SLC13A4: variants seen among roughly 807,000 people sequenced by gnomAD.
The protein encoded by SLC13A4 is Na(+)/sulfate cotransporter SUT-1.
In SLC13A4, 28 loss-of-function variants were observed where a neutral mutation model predicts 72.7. The observed-to-expected ratio is 0.39, with a 90% CI of 0.29 to 0.53. SLC13A4 has a LOEUF of 0.53. Ranked by LOEUF, SLC13A4 falls within the 20% of genes least tolerant of loss-of-function variation. The pLI, the probability that SLC13A4 is intolerant of heterozygous loss-of-function variation, is 0.78. For synonymous variants in SLC13A4, 312 were observed against 325.5 expected, an observed-to-expected ratio of 0.96 and a Z score of 0.45; for missense variants, 653 against 788.0, an observed-to-expected ratio of 0.83 and a Z score of 2.05.
At chr7:135,702,248 T>C (rs1429121821) in intron 6 of SLC13A4, 1 of 156,250 alleles carries the variant, frequency 6.4e-6, no homozygotes, top group African/African-American at 2.4e-5. Flanking sequence ...TGAAGTCCAA[T>C]GTTTAATTGG....
chr7:135,706,378 C>T, intron 3 of SLC13A4, 78 bp from the exon 4 acceptor site: 2 of 1,454,134 alleles, frequency 1.4e-6, no homozygotes, highest in East Asian at 2.3e-5. Context: ...CTCCTACCAA[C>T]CTGCTGGGGC....
At chr7:135,715,261 GGGCATGTGTA>G (rs1796396883) in intron 2 of SLC13A4, among the ~76,000 whole-genome samples, 2 of 151,554 alleles carry the variant, frequency 1.3e-5, no homozygotes, top group South Asian at 2.1e-4. Flanking sequence ...GTATGAGTGT[GGGCATGTGTA>G]TGAGTGTATG....
Position 135,694,202 on chromosome 7 carries a change from C to T in SLC13A4, c.1056G>A (p.Lys352=), listed in dbSNP as rs749319450. Residue 352 remains lysine, a synonymous_variant, in exon 10 of 16, where the codon AAG becomes AAA. Transcript: ENST00000682651. Reference sequence around the variant, plus strand: ...TCTCTGACAACTGTTCCCTTTTGGTCTTCTTCTTCTTGCTCAGAGAGCAGG... The same window carrying T: ...TCTCTGACAACTGTTCCCTTTTGGTTTTCTTCTTCTTGCTCAGAGAGCAGG... The part of the protein sequence containing the change: ...KETCSLSKKK[K]TKREQLSEKR... 6 of 1,605,974 alleles carry T rather than the reference C, an allele frequency of 3.7e-6. No homozygotes were observed. Among genetic ancestry groups the T allele is most frequent in the Non-Finnish European group, 5.1e-6 (6 of 1,173,150 alleles).
At chr7:135,701,554 A>C in intron 7 of SLC13A4, 126 bp downstream of exon 7, 1 of 895,876 alleles carries the variant, frequency 1.1e-6, no homozygotes, top group Non-Finnish European at 1.8e-6. Context: ...GACATGTATG[A>C]GAGTAATGAG....
intron 1 of SLC13A4, among the ~76,000 whole-genome samples, chr7:135,724,059 T>C (rs1584744229): frequency 1.3e-5 from 2 of 152,348 alleles, no homozygotes; most frequent in East Asian, 3.9e-4. Context: ...TTAACTCCAG[T>C]TGAAGAGAAA....
chr7:135,721,156 A>G (rs6948713), intron 2 of SLC13A4, among the ~76,000 whole-genome samples: 50,401 of 152,096 alleles, frequency 0.33, 8,899 homozygotes, highest in Middle Eastern at 0.45. Flanking sequence ...TTAATCAAGT[A>G]AGGCTTCCTG....
intron 7 of SLC13A4, 63 bp from the exon 8 acceptor site, chr7:135,699,611 A>C: frequency 1.4e-6 from 2 of 1,435,626 alleles, no homozygotes; most frequent in Non-Finnish European, 1.9e-6. Context: ...GAAGCATGAG[A>C]GGCAGGAGGC....
In SLC13A4 at chr7:135,691,574, T is replaced by G. The variant is rs1299326651; in HGVS notation, c.1295A>C (p.Lys432Thr). 1.2e-6 allele frequency: 2 copies of G among 1,613,710 alleles called. No homozygotes were observed. Among genetic ancestry groups the G allele is most frequent in the African/African-American group, 1.3e-5 (1 of 74,920 alleles). The change falls in exon 12 of 16, where the codon AAG (lysine) becomes ACG (threonine). Residue 432 changes from lysine to threonine, a missense_variant. By Grantham distance (78) the Lys-to-Thr change is moderately conservative (BLOSUM62 -1). Transcript: ENST00000682651. ...ATCATTCTTTTTCCCAAAGCAGGGC[T>G]TCTTCGCTGGAATGAGGAAGAGGAG... Reference protein sequence around the residue: ...GFLLFLIPAKKPCFGKKNDGE... With the variant: ...GFLLFLIPAKTPCFGKKNDGE...
At chr7:135,683,569 A>G (rs1795554880) in intron 15 of SLC13A4, 1 of 985,344 alleles carries the variant, frequency 1.0e-6, no homozygotes. Context: ...TAAAGTCAGC[A>G]GCAAAATATC....
At chr7:135,712,636 G>A (rs577095123) in intron 2 of SLC13A4, among the ~76,000 whole-genome samples, 2 of 152,240 alleles carry the variant, frequency 1.3e-5, no homozygotes, top group Admixed American at 1.3e-4. Context: ...GCTGGTTTGA[G>A]GCCATTAGCA....
chr7:135,710,676 G>GA (rs1230271990), intron 2 of SLC13A4, among the ~76,000 whole-genome samples: 1 of 152,256 alleles, frequency 6.6e-6, no homozygotes, highest in Middle Eastern at 3.4e-3. Flanking sequence ...CTTTGTGCAC[G>GA]AAACACTTTG....
At position 135,707,696 on chromosome 7, in the gene SLC13A4, G is replaced by T. The variant is rs148464408; in HGVS notation, c.365+418C>A. On this transcript the variant is annotated intron_variant, in intron 3 of 15. Transcript: ENST00000682651. ...AACTGGGTCTGTGGTCTGAACTGATGACAAAAACTCAGGGTGGATGGGAGG... is the reference window on the plus strand; with the variant it reads ...AACTGGGTCTGTGGTCTGAACTGATTACAAAAACTCAGGGTGGATGGGAGG... 4.1e-3 allele frequency: 652 copies of T among 159,380 alleles called. 5 individuals are homozygous for T. Among genetic ancestry groups the T allele is most frequent in the African/African-American group, 0.014 (599 of 41,804 alleles). The allele number at this position is 159,380 out of a possible 1,614,324, so 9.9% of individuals were successfully genotyped here.
At position 135,706,589 on chromosome 7, in the gene SLC13A4, G is replaced by C. The variant is rs577589964; in HGVS notation, c.366-289C>G. On this transcript the variant is annotated intron_variant, in intron 3 of 15. Transcript: ENST00000682651. ...ATAGCTCTGGTAGTAGGGCCACAGG[G>C]TGTAGACTTACCATTGTTTTTCTGT... 2.1e-4 allele frequency among the ~76,000 whole-genome samples: 32 copies of C among 152,366 alleles called. 1 individual carries two copies. The East Asian group carries it at 6.2e-3, about 29-fold the overall frequency.
At chr7:135,697,442 A>G (rs536593033) in intron 8 of SLC13A4, among the ~76,000 whole-genome samples, 1 of 152,222 alleles carries the variant, frequency 6.6e-6, no homozygotes, top group African/African-American at 2.4e-5. Context: ...AGACCCAGCA[A>G]GTGACCTCTG....
intron 2 of SLC13A4, among the ~76,000 whole-genome samples, chr7:135,711,661 G>T (rs572179174): frequency 5.9e-4 from 90 of 152,206 alleles, no homozygotes; most frequent in Non-Finnish European, 1.1e-3. Flanking sequence ...GCCACACGGT[G>T]AGCCGACTGG....
chr7:135,714,984 GTA>G lies in SLC13A4; in HGVS notation c.228+6409_228+6410del, dbSNP rs1364052788. Among the ~76,000 whole-genome samples the G allele has an allele frequency of 2.7e-5, 4 of 145,566 alleles. No individual in the cohort carries two copies. In the East Asian group the frequency reaches 8.3e-4, roughly 30 times the overall value. On this transcript the variant is annotated intron_variant, in intron 2 of 15. Transcript: ENST00000682651. ...TGTGAGTGTGTATGTGAAAGTGTGT[GTA>G]TGTGTGTGTATATGTGAGTGTGTAT...
At chr7:135,694,550 C>T (rs926716145) in intron 9 of SLC13A4, among the ~76,000 whole-genome samples, 4 of 152,084 alleles carry the variant, frequency 2.6e-5, no homozygotes, top group African/African-American at 4.8e-5. Context: ...TTGTCTTTTA[C>T]GTAAGTAAAA....
At chr7:135,705,736 C>G in intron 4 of SLC13A4, 86 bp from the exon 5 acceptor site, 1 of 1,155,986 alleles carries the variant, frequency 8.7e-7, no homozygotes, top group East Asian at 2.4e-5. Flanking sequence ...GGGCTTAGGG[C>G]GGAGGTGGGC....
At chr7:135,685,782 G>T in intron 13 of SLC13A4, 99 bp from the exon 14 acceptor site, 1 of 1,054,546 alleles carries the variant, frequency 9.5e-7, no homozygotes, top group Non-Finnish European at 1.4e-6. Flanking sequence ...AAGGCTGGAC[G>T]ACCAGGGATC....
Sources: gnomAD v4.1 joint callset for allele counts (sites outside exome capture counted in the v4.1 genomes callset) on GRCh38, gnomAD v4.1.1 for gene constraint, MANE v1.5 for transcripts, NCBI Gene and HGNC (gene_info 2026-07-23, HGNC 2026-07-21) for gene names.